APOBEC2: variants seen among roughly 807,000 people sequenced by gnomAD.
APOBEC2 encodes apolipoprotein B mRNA editing enzyme catalytic subunit 2.
In APOBEC2, 14 loss-of-function variants were observed where a neutral mutation model predicts 19.4. The observed-to-expected ratio is 0.72, with a 90% CI of 0.48 to 1.13. The LOEUF is 1.13. Among genes scored for constraint, APOBEC2 ranks in the 50% most tolerant of loss-of-function variants. The probability of loss-of-function intolerance (pLI) is 0.00; values close to 1 mark genes in which losing one functional copy is unlikely to be tolerated. For missense variants in APOBEC2, 304 were observed against 277.0 expected (o/e 1.10, Z -0.69); for synonymous variants, 127 against 112.1 (o/e 1.13, Z -0.84).
chr6:41,058,041 A>C (rs1315378782), intron 1 of APOBEC2, among the ~76,000 whole-genome samples: 1 of 151,996 alleles, frequency 6.6e-6, no homozygotes, highest in East Asian at 1.9e-4. Context: ...GGGGAGAGGG[A>C]ATAGAAATCA....
chr6:41,060,410 C>T (rs576086048), intron 1 of APOBEC2, among the ~76,000 whole-genome samples: 12 of 152,322 alleles, frequency 7.9e-5, no homozygotes, highest in African/African-American at 2.9e-4. Context: ...GAATCAAGGC[C>T]AAACTTTCGA....
intron 1 of APOBEC2, 145 bp downstream of exon 1, chr6:41,053,623 G>A: frequency 8.0e-7 from 1 of 1,256,022 alleles, no homozygotes; most frequent in South Asian, 1.7e-5. Context: ...GCCCGGCAGG[G>A]GTGGTAGGGG....
intron 1 of APOBEC2, among the ~76,000 whole-genome samples, chr6:41,055,223 G>T (rs2057002): frequency 0.39 from 59,140 of 152,000 alleles, 12,163 homozygotes; most frequent in African/African-American, 0.51. Context: ...ATTCATTCTG[G>T]ATCCCAGGTT....
At chr6:41,061,284 G>C in intron 1 of APOBEC2, 44 bp from the exon 2 acceptor site, 1 of 1,470,954 alleles carries the variant, frequency 6.8e-7, no homozygotes, top group South Asian at 1.4e-5. Context: ...CTAGAAACAA[G>C]AACTTATCAT....
chr6:41,061,621 C>T lies in APOBEC2; in HGVS notation c.425C>T (p.Thr142Ile), dbSNP rs1297782292. 2.5e-6 allele frequency: 4 copies of T among 1,614,128 alleles called. No homozygotes were observed. The highest frequency in any genetic ancestry group is 1.7e-5 in the Admixed American group (1 of 60,006). ...CGCATTATCAAAACCCTTAGCAAGA[C>T]CAAGAACCTGCGTCTGCTCATTCTG... is the stretch of plus-strand genomic sequence containing the variant. ...ADRIIKTLSK[T>I]KNLRLLILVG... is the part of the protein sequence containing the mutation. The change falls in exon 2 of 3, where the codon ACC becomes ATC. Residue 142 changes from threonine (T) to isoleucine (I), a missense_variant. By Grantham distance (89) the Thr-to-Ile change is moderately conservative. Coordinates refer to ENST00000244669, the MANE Select transcript of APOBEC2 (RefSeq NM_006789.4).
chr6:41,057,565 C>T (rs1052250336), intron 1 of APOBEC2, among the ~76,000 whole-genome samples: 2 of 152,106 alleles, frequency 1.3e-5, no homozygotes, highest in African/African-American at 2.4e-5. Flanking sequence ...CCTTGGTATC[C>T]GCTTTGAAAA....
intron 2 of APOBEC2, among the ~76,000 whole-genome samples, chr6:41,062,515 AAC>A (rs1414333789): frequency 5.9e-5 from 9 of 152,236 alleles, no homozygotes; most frequent in Admixed American, 5.9e-4. Context: ...ACAATACGGG[AAC>A]ATTTTCCTTA....
At chr6:41,063,861 T>C (rs1048300796) in intron 2 of APOBEC2, among the ~76,000 whole-genome samples, 2 of 151,764 alleles carry the variant, frequency 1.3e-5, no homozygotes, top group Admixed American at 1.3e-4. Flanking sequence ...AGACCAGAGT[T>C]AAACCAGATC....
Position 41,053,439 on chromosome 6 carries a change from AAG to A in APOBEC2, c.95_96del (p.Glu32AlafsTer3), listed in dbSNP as rs779016584. ...AACCTGGACGACCCTGAGAAGCTGA[AAG>A]AGCTGATTGAGCTGCCGCCCTTTGA... On this transcript the variant is annotated frameshift_variant, in exon 1 of 3. Coordinates refer to ENST00000244669, the MANE Select transcript of APOBEC2 (RefSeq NM_006789.4). LOFTEE classifies it high-confidence loss of function. The A allele has an allele frequency of 6.2e-7, 1 of 1,614,194 alleles. No homozygotes were observed. The highest frequency in any genetic ancestry group is 8.5e-7 in the Non-Finnish European group (1 of 1,180,024).
intron 2 of APOBEC2, among the ~76,000 whole-genome samples, chr6:41,062,363 T>C (rs1330385286): frequency 1.3e-5 from 2 of 152,356 alleles, no homozygotes; most frequent in Non-Finnish European, 2.9e-5. Context: ...TTTTAGTCCT[T>C]CAGGGACAAT....
chr6:41,064,023 T>G (rs1221542351), intron 2 of APOBEC2, 78 bp from the exon 3 acceptor site: 1 of 152,532 alleles, frequency 6.6e-6, no homozygotes, highest in Non-Finnish European at 1.5e-5. Flanking sequence ...ACAGAAACCT[T>G]AGTTCAAAAA....
In APOBEC2 at chr6:41,053,632, G is replaced by T. The variant is rs1045193668; in HGVS notation, c.131+154G>T. 2.6e-5 allele frequency among the ~76,000 whole-genome samples: 4 copies of T among 152,144 alleles called. No individual in the cohort carries two copies. The East Asian group carries it at 7.7e-4, about 29-fold the overall frequency. On this transcript the variant is annotated intron_variant, in intron 1 of 2. Coordinates refer to ENST00000244669, the MANE Select transcript of APOBEC2 (RefSeq NM_006789.4). Reference sequence around the variant, plus strand: ...CAGTGGGCCCGGCAGGGGTGGTAGGGGACCCAGCAGCAAATTCTCTTGGCT... The same window carrying T: ...CAGTGGGCCCGGCAGGGGTGGTAGGTGACCCAGCAGCAAATTCTCTTGGCT...
intron 1 of APOBEC2, 71 bp from the exon 2 acceptor site, chr6:41,061,257 C>A (rs1259380082): frequency 6.0e-6 from 8 of 1,340,342 alleles, no homozygotes; most frequent in Non-Finnish European, 6.9e-6. Flanking sequence ...GGAAGAGCTA[C>A]CTACTCTAGG....
intron 1 of APOBEC2, among the ~76,000 whole-genome samples, 170 bp from the exon 2 acceptor site, chr6:41,061,158 T>C (rs1041238520): frequency 4.1e-5 from 2 of 48,774 alleles, no homozygotes; most frequent in African/African-American, 1.8e-4. Context: ...TTTTAATGCT[T>C]TTTTTTTTTT....
chr6:41,055,630 G>A (rs368324367), intron 1 of APOBEC2, among the ~76,000 whole-genome samples: 1 of 152,196 alleles, frequency 6.6e-6, no homozygotes, highest in South Asian at 2.1e-4. Flanking sequence ...AGAAGAGCAG[G>A]TAGCTTTTCC....
chr6:41,061,401 T>C lies in APOBEC2; in HGVS notation c.205T>C (p.Phe69Leu). 2 of 1,599,836 alleles carry C rather than the reference T, an allele frequency of 1.3e-6. No individual in the cohort carries two copies. Among genetic ancestry groups the C allele is most frequent in the South Asian group, 1.1e-5 (1 of 88,532 alleles). The change falls in exon 2 of 3, where the codon TTC (phenylalanine) becomes CTC (leucine). Residue 69 changes from phenylalanine (F) to leucine (L), a missense_variant. Coordinates refer to ENST00000244669, the MANE Select transcript of APOBEC2 (RefSeq NM_006789.4). ...GTACAGTTCCGGGAGGAACAAGACCTTCCTCTGCTATGTGGTTGAAGCACA... is the reference window on the plus strand; with the variant it reads ...GTACAGTTCCGGGAGGAACAAGACCCTCCTCTGCTATGTGGTTGAAGCACA... ...VEYSSGRNKT[F>L]LCYVVEAQGK...
rs1762879218 is a variant in APOBEC2, at chr6:41,061,685, G to A, written c.489G>A (p.Gln163=). ...TCATGTGGGAGGAGCCGGAGATCCAGGCTGCTCTGAAGAAGCTGAAGGAGG... is the reference window on the plus strand; with the variant it reads ...TCATGTGGGAGGAGCCGGAGATCCAAGCTGCTCTGAAGAAGCTGAAGGAGG... ...RLFMWEEPEI[Q]AALKKLKEAG... The change falls in exon 2 of 3, where the codon CAG becomes CAA. Residue 163 remains glutamine (Q), a synonymous_variant. Coordinates refer to ENST00000244669, the MANE Select transcript of APOBEC2 (RefSeq NM_006789.4). 6.2e-7 allele frequency: 1 copy of A among 1,614,214 alleles called. No homozygotes were observed. The highest frequency in any genetic ancestry group is 8.5e-7 in the Non-Finnish European group (1 of 1,180,040).
chr6:41,060,209 TCTC>T (rs1328682531), intron 1 of APOBEC2, among the ~76,000 whole-genome samples: 2 of 152,180 alleles, frequency 1.3e-5, no homozygotes, highest in East Asian at 3.9e-4. Context: ...TAACCATCCA[TCTC>T]CTCCTCAAAG....
At chr6:41,062,545 T>C (rs1041565111) in intron 2 of APOBEC2, among the ~76,000 whole-genome samples, 20 of 152,192 alleles carry the variant, frequency 1.3e-4, no homozygotes, top group Non-Finnish European at 2.1e-4. Flanking sequence ...AAGACCTCAG[T>C]AGAATTCATG....
Sources: gnomAD v4.1 joint callset for allele counts (sites outside exome capture counted in the v4.1 genomes callset) on GRCh38, gnomAD v4.1.1 for gene constraint, MANE v1.5 for transcripts, NCBI Gene and HGNC (gene_info 2026-07-23, HGNC 2026-07-21) for gene names.